CCSER2: variants seen among roughly 807,000 people sequenced by gnomAD.
CCSER2 encodes serine-rich coiled-coil domain-containing protein 2.
Under a neutral mutation model 92.3 loss-of-function variants are expected in CCSER2, and 46 were observed. The observed-to-expected ratio is 0.50, with a 90% CI of 0.39 to 0.64. The LOEUF is 0.64. Among genes scored for constraint, CCSER2 ranks in the 30% least tolerant of loss-of-function variants. CCSER2 has a pLI of 0.00. For missense variants in CCSER2, 1,244 were observed against 1,238.9 expected (o/e 1.00, Z -0.06); for synonymous variants, 433 against 431.4 (o/e 1.00, Z -0.04).
At chr10:84,491,503 A>G (rs1021127316) in intron 9 of CCSER2, among the ~76,000 whole-genome samples, 3 of 152,156 alleles carry the variant, frequency 2.0e-5, no homozygotes, top group Non-Finnish European at 4.4e-5. Context: ...TGTGCTAGCA[A>G]TGAGGGAGGA....
chr10:84,351,015 A>G (rs1209263501), intron 1 of CCSER2, among the ~76,000 whole-genome samples: 1 of 152,244 alleles, frequency 6.6e-6, no homozygotes, highest in East Asian at 1.9e-4. Context: ...ACATTAATTC[A>G]ATGTAATATA....
intron 3 of CCSER2, chr10:84,389,512 G>A: frequency 3.6e-6 from 1 of 278,416 alleles, no homozygotes; most frequent in South Asian, 3.2e-5. Context: ...TCGAGGTACT[G>A]GTTGCCCTGG....
intron 8 of CCSER2, among the ~76,000 whole-genome samples, chr10:84,473,477 G>T (rs1462578975): frequency 2.0e-5 from 3 of 152,138 alleles, no homozygotes; most frequent in Non-Finnish European, 4.4e-5. Context: ...TGCAAGCAGT[G>T]ATCTCTGTAA....
intron 1 of CCSER2, among the ~76,000 whole-genome samples, chr10:84,337,874 C>G (rs142290540): frequency 6.6e-6 from 1 of 152,012 alleles, no homozygotes; most frequent in South Asian, 2.1e-4. Flanking sequence ...CCACATGTTG[C>G]GAAGGAAAAG....
chr10:84,418,769 A>T (rs542577688), intron 4 of CCSER2, among the ~76,000 whole-genome samples: 1 of 152,314 alleles, frequency 6.6e-6, no homozygotes, highest in African/African-American at 2.4e-5. Flanking sequence ...TTTTCCTGCC[A>T]GAATGCTGTA....
At chr10:84,490,189 A>C (rs545977326) in intron 9 of CCSER2, among the ~76,000 whole-genome samples, 2 of 152,036 alleles carry the variant, frequency 1.3e-5, no homozygotes, top group East Asian at 3.9e-4. Context: ...CCTTCATTTC[A>C]GCTTTGGTGA....
intron 9 of CCSER2, among the ~76,000 whole-genome samples, chr10:84,489,238 TAGATG>T (rs1403381858): frequency 7.9e-5 from 12 of 152,316 alleles, no homozygotes; most frequent in Middle Eastern, 6.8e-3. Flanking sequence ...GAGAGTTCTG[TAGATG>T]TCTGTTAGGT....
At chr10:84,490,322 T>C (rs1039562411) in intron 9 of CCSER2, among the ~76,000 whole-genome samples, 1 of 152,216 alleles carries the variant, frequency 6.6e-6, no homozygotes, top group East Asian at 1.9e-4. Flanking sequence ...CTGGATAATA[T>C]CTTGCAGGGT....
intron 3 of CCSER2, among the ~76,000 whole-genome samples, chr10:84,416,421 C>A (rs551789228): frequency 2.0e-4 from 31 of 152,134 alleles, no homozygotes; most frequent in African/African-American, 7.5e-4. Context: ...TAAATGTGTA[C>A]AGTTTAATTG....
chr10:84,423,529 C>G (rs1272455803), intron 4 of CCSER2, among the ~76,000 whole-genome samples: 4 of 152,172 alleles, frequency 2.6e-5, no homozygotes, highest in Admixed American at 2.6e-4. Context: ...TAACCCATCT[C>G]CTGGCCTATT....
intron 9 of CCSER2, among the ~76,000 whole-genome samples, chr10:84,503,174 G>A (rs866926424): frequency 2.0e-5 from 3 of 152,186 alleles, no homozygotes; most frequent in Middle Eastern, 3.4e-3. Context: ...CTTGCCGTGA[G>A]CCAGATCGCA....
At chr10:84,465,990 G>C (rs1299590235) in intron 7 of CCSER2, among the ~76,000 whole-genome samples, 1 of 152,120 alleles carries the variant, frequency 6.6e-6, no homozygotes, top group Non-Finnish European at 1.5e-5. Flanking sequence ...CGCCCGCTTC[G>C]GCGTCCCAAA....
At chr10:84,462,772 A>G (rs1339536599) in intron 6 of CCSER2, among the ~76,000 whole-genome samples, 1 of 152,214 alleles carries the variant, frequency 6.6e-6, no homozygotes, top group Non-Finnish European at 1.5e-5. Flanking sequence ...TCTGGGCCCC[A>G]TCCCTAGAGA....
intron 3 of CCSER2, among the ~76,000 whole-genome samples, chr10:84,376,142 A>C (rs1358712502): frequency 6.6e-6 from 1 of 152,122 alleles, no homozygotes; most frequent in Admixed American, 6.5e-5. Context: ...TAATCATGTC[A>C]AGGATCCCAA....
intron 6 of CCSER2, among the ~76,000 whole-genome samples, chr10:84,444,122 C>T (rs1452901869): frequency 6.6e-6 from 1 of 151,568 alleles, no homozygotes; most frequent in East Asian, 1.9e-4. Flanking sequence ...CACATGTATC[C>T]CAGAAGTTAA....
In CCSER2 at chr10:84,509,541, C is replaced by T. The variant is rs185716915; in HGVS notation, c.2326-3908C>T. Among the ~76,000 whole-genome samples the T allele has an allele frequency of 3.5e-3, 534 of 152,216 alleles. 2 individuals are homozygous for T. Among genetic ancestry groups the T allele is most frequent in the Admixed American group, 5.9e-3 (90 of 15,284 alleles). On this transcript the variant is annotated intron_variant, in intron 9 of 9. Coordinates refer to ENST00000372088, the MANE Select transcript of CCSER2 (RefSeq NM_001284240.2). ...CTATTGCTGACATTATTGAACTTGA[C>T]GCATGGAACTCTTTAATCTGAGAAT... is the stretch of plus-strand genomic sequence containing the variant.
At chr10:84,384,727 A>G (rs1180163251) in intron 3 of CCSER2, among the ~76,000 whole-genome samples, 1 of 152,030 alleles carries the variant, frequency 6.6e-6, no homozygotes, top group Non-Finnish European at 1.5e-5. Flanking sequence ...GAGGATATCC[A>G]CTCCCATCAC....
At chr10:84,497,981 C>G (rs1848538044) in intron 9 of CCSER2, among the ~76,000 whole-genome samples, 1 of 152,070 alleles carries the variant, frequency 6.6e-6, no homozygotes, top group Non-Finnish European at 1.5e-5. Context: ...AACTGAGGCT[C>G]AAAAATCAGT....
At chr10:84,382,361 ATAGGT>A (rs1189168767) in intron 3 of CCSER2, among the ~76,000 whole-genome samples, 3 of 152,172 alleles carry the variant, frequency 2.0e-5, no homozygotes, top group Non-Finnish European at 1.5e-5. Context: ...ATTGGCACTA[ATAGGT>A]TAGGAAGTAG....
Sources: gnomAD v4.1 joint callset for allele counts (sites outside exome capture counted in the v4.1 genomes callset) on GRCh38, gnomAD v4.1.1 for gene constraint, MANE v1.5 for transcripts, NCBI Gene and HGNC (gene_info 2026-07-23, HGNC 2026-07-21) for gene names.